The following FAM184A variants were observed in gnomAD, a reference collection of about 807,000 sequenced individuals.
FAM184A encodes family with sequence similarity 184 member A, also known as protein FAM184A.
A neutral mutation model predicts 143.8 loss-of-function variants in FAM184A; 99 were observed. That is an observed-to-expected ratio of 0.69 (90% CI 0.58 to 0.81). The LOEUF (loss-of-function observed/expected upper bound fraction) is 0.81, where lower values mean the gene tolerates loss of function less well. FAM184A is among the 40% of genes least tolerant of loss of function. The pLI is 0.00. For synonymous variants in FAM184A, 427 were observed against 446.4 expected (o/e 0.96, Z 0.55); for missense variants, 1,217 against 1,310.5 (o/e 0.93, Z 1.10).
intron 7 of FAM184A, among the ~76,000 whole-genome samples, chr6:119,004,106 A>C (rs1784852582): frequency 6.6e-6 from 1 of 152,250 alleles, no homozygotes; most frequent in Non-Finnish European, 1.5e-5. Flanking sequence ...TGTAACTGCA[A>C]ACTAGTGGTC....
intron 1 of FAM184A, among the ~76,000 whole-genome samples, chr6:119,052,273 A>G (rs1582558303): frequency 6.6e-6 from 1 of 152,224 alleles, no homozygotes. Flanking sequence ...AAAGAATGAA[A>G]AGATACAAAT....
chr6:118,980,245 C>T lies in FAM184A; in HGVS notation c.2194G>A (p.Glu732Lys). ...FTQERQRLTQ[E>K]LEELEEQHQQ... is the part of the protein sequence containing the mutation. ...TGTTGCTCCTCTAATTCTTCAAGCT[C>T]TTGCGTAAGCCGCTGTCGTTCTTGC... The change falls in exon 10 of 18, where the codon GAG becomes AAG. Residue 732 changes from glutamate to lysine, a missense_variant. Physicochemically the swap from Glu to Lys is moderately conservative, Grantham distance 56 (BLOSUM62 1). Transcript: ENST00000338891. 6.2e-7 allele frequency: 1 copy of T among 1,614,126 alleles called. No homozygotes were observed. Among genetic ancestry groups the T allele is most frequent in the South Asian group, 1.1e-5 (1 of 91,072 alleles).
intron 1 of FAM184A, among the ~76,000 whole-genome samples, chr6:119,034,207 G>A: frequency 6.6e-6 from 1 of 151,224 alleles, no homozygotes; most frequent in Non-Finnish European, 1.5e-5. Flanking sequence ...AACTCATAGA[G>A]TATCGCTTAG....
intron 1 of FAM184A, among the ~76,000 whole-genome samples, chr6:119,038,918 A>T (rs1786213649): frequency 6.6e-6 from 1 of 152,192 alleles, no homozygotes; most frequent in African/African-American, 2.4e-5. Flanking sequence ...GCAAAAGATA[A>T]AGGACTTAAC....
In FAM184A at chr6:118,960,492, CGAG is replaced by C. The variant is rs1338825804; in HGVS notation, c.3342-311_3342-309del. On this transcript the variant is annotated intron_variant, in intron 17 of 17. Coordinates refer to ENST00000338891, the MANE Select transcript of FAM184A (RefSeq NM_024581.6). The stretch of plus-strand genomic sequence containing the variant: ...AAAATTCAGTAAGAATTGTGGGAAA[CGAG>C]AGAATAAAATAATGGTCCTCTCTTT... Among the ~76,000 whole-genome samples, 4 of 152,116 alleles carry C rather than the reference CGAG, an allele frequency of 2.6e-5. No homozygotes were observed. In the South Asian group the frequency reaches 8.3e-4, roughly 31 times the overall value.
chr6:119,078,350 C>T lies in FAM184A; in HGVS notation c.-51G>A. 7.3e-7 allele frequency: 1 copy of T among 1,379,290 alleles called. No homozygotes were observed. Among genetic ancestry groups the T allele is most frequent in the Non-Finnish European group, 9.3e-7 (1 of 1,072,272 alleles). 85.4% of individuals were successfully genotyped at this position (1,379,290 alleles called of 1,614,324 possible). On this transcript the variant is annotated 5_prime_UTR_variant, in exon 1 of 18. Transcript: ENST00000338891. The surrounding 1 kb of genome is among the most constrained non-coding windows in gnomAD (Gnocchi z 5.5). ...ACCTGTCCCCGCGGGTGGAGGCAGG[C>T]CCGTGGAGCAACGACGCCCGGGAGG...
chr6:119,062,927 A>G (rs1395391903), intron 1 of FAM184A, among the ~76,000 whole-genome samples: 2 of 152,202 alleles, frequency 1.3e-5, no homozygotes, highest in Admixed American at 1.3e-4. Context: ...AACATTCTAT[A>G]CCTCAGGGAT....
chr6:119,133,397 T>C (rs1789584994), intron 1 of FAM184A, among the ~76,000 whole-genome samples: 1 of 152,084 alleles, frequency 6.6e-6, no homozygotes, highest in Non-Finnish European at 1.5e-5. Flanking sequence ...GGAGGGTTAT[T>C]AGGGAGTGTT....
intron 1 of FAM184A, among the ~76,000 whole-genome samples, chr6:119,031,989 A>G (rs1785887230): frequency 6.6e-6 from 1 of 152,204 alleles, no homozygotes; most frequent in South Asian, 2.1e-4. Context: ...GAAATAAACC[A>G]GGCCTGGCAC....
Position 119,092,430 on chromosome 6 carries a change from C to T in FAM184A, c.-202+56648G>A, listed in dbSNP as rs180823419. Among the ~76,000 whole-genome samples the T allele has an allele frequency of 1.5e-4, 23 of 152,294 alleles. No homozygotes were observed. The East Asian group carries it at 4.1e-3, about 27-fold the overall frequency. ...GGGATTACAGGCATGAGCCACTGTG[C>T]CCAGCCAATTATTATTTTTAATTGA... On this transcript the variant is annotated intron_variant, in intron 1 of 16. Coordinates refer to the FAM184A transcript ENST00000352896.
chr6:119,141,669 G>A (rs555549341), intron 1 of FAM184A, among the ~76,000 whole-genome samples: 1 of 151,968 alleles, frequency 6.6e-6, no homozygotes, highest in Non-Finnish European at 1.5e-5. Flanking sequence ...TAGAGATGAG[G>A]TGTCACCATG....
chr6:119,094,991 A>G (rs557335075), intron 1 of FAM184A, among the ~76,000 whole-genome samples: 6 of 152,160 alleles, frequency 3.9e-5, no homozygotes, highest in Non-Finnish European at 7.3e-5. Flanking sequence ...CCTAGCATAT[A>G]AGCTCCCACT....
intron 9 of FAM184A, among the ~76,000 whole-genome samples, chr6:119,001,228 T>C (rs1374652737): frequency 5.3e-5 from 8 of 151,024 alleles, no homozygotes; most frequent in South Asian, 2.1e-4. Flanking sequence ...TCTTCAGGCA[T>C]AGACAATCCT....
At position 118,970,006 on chromosome 6, in the gene FAM184A, A is replaced by ATTTT. The variant is rs1242296300; in HGVS notation, c.2916-3055_2916-3054insAAAA. 2.9e-4 allele frequency among the ~76,000 whole-genome samples: 6 copies of ATTTT among 20,490 alleles called. 1 individual carries two copies. Among genetic ancestry groups the ATTTT allele is most frequent in the Admixed American group, 1.4e-3 (2 of 1,474 alleles). 13.4% of individuals were successfully genotyped at this position (20,490 alleles called of 152,430 possible). ...GTATATATATATAATATATATATAT[A>ATTTT]TATTTTTTTTTTTTTGAGATGGAGT... On this transcript the variant is annotated intron_variant, in intron 14 of 17. Transcript: ENST00000338891.
At chr6:119,036,178 T>C (rs1007842246) in intron 1 of FAM184A, among the ~76,000 whole-genome samples, 2 of 150,748 alleles carry the variant, frequency 1.3e-5, no homozygotes, top group African/African-American at 4.9e-5. Context: ...TTCAGCCCCA[T>C]AAATGATTCA....
At chr6:119,050,949 G>A (rs544667596) in intron 1 of FAM184A, among the ~76,000 whole-genome samples, 8 of 152,178 alleles carry the variant, frequency 5.3e-5, no homozygotes, top group Non-Finnish European at 5.9e-5. Context: ...GCTAAATGAT[G>A]AGAACTCATG....
chr6:119,020,194 A>C, intron 3 of FAM184A, 35 bp from the exon 4 acceptor site: 2 of 1,477,812 alleles, frequency 1.4e-6, no homozygotes, highest in Non-Finnish European at 1.8e-6. Context: ...TCAATTTAAA[A>C]ATCAGTTGTA....
intron 1 of FAM184A, among the ~76,000 whole-genome samples, chr6:119,109,062 C>T (rs1788863627): frequency 6.9e-6 from 1 of 143,986 alleles, no homozygotes; most frequent in Admixed American, 6.7e-5. Context: ...AATATTCTCT[C>T]TTTGTAAATT....
chr6:119,079,437 T>G (rs1020666350), upstream of FAM184A, among the ~76,000 whole-genome samples: 2 of 152,178 alleles, frequency 1.3e-5, no homozygotes, highest in African/African-American at 4.8e-5. Flanking sequence ...CTTTAAGGAT[T>G]TGGAGCTGGG....
Sources: gnomAD v4.1 joint callset for allele counts (sites outside exome capture counted in the v4.1 genomes callset) on GRCh38, gnomAD v4.1.1 for gene constraint, Gnocchi (gnomAD v3.1) non-coding constraint, MANE v1.5 for transcripts, NCBI Gene and HGNC (gene_info 2026-07-23, HGNC 2026-07-21) for gene names.